The following BCAS3 variants were observed in gnomAD, a reference collection of about 807,000 sequenced individuals.
BCAS3 encodes the protein BCAS3 microtubule associated cell migration factor.
BCAS3 carries 53 observed loss-of-function variants against 116.1 expected under a neutral mutation model. That is an observed-to-expected ratio of 0.46 (90% CI 0.37 to 0.57). BCAS3 has a LOEUF of 0.57. Among genes scored for constraint, BCAS3 ranks in the 20% least tolerant of loss-of-function variants. The pLI is 0.00. For missense variants in BCAS3, 917 were observed against 1,165.4 expected, an observed-to-expected ratio of 0.79 and a Z score of 3.10; for synonymous variants, 391 against 408.2, an observed-to-expected ratio of 0.96 and a Z score of 0.51.
In BCAS3 at chr17:61,343,883, G is replaced by GGACC. The variant is rs2143265636; in HGVS notation, c.2426-24443_2426-24440dup. 6.6e-6 allele frequency among the ~76,000 whole-genome samples: 1 copy of GGACC among 152,246 alleles called. No individual in the cohort carries two copies. The highest frequency in any genetic ancestry group is 2.1e-4 in the South Asian group (1 of 4,822). On this transcript the variant is annotated intron_variant, in intron 22 of 23. Transcript: ENST00000407086. The surrounding 1 kb of genome is among the most constrained non-coding windows in gnomAD (Gnocchi z 5.5). ...CCCCATGGCGACACCCTCTCTCTTT[G>GGACC]GACCACCTCCTCCCCTTTCGCTTCC... is the stretch of plus-strand genomic sequence containing the variant.
chr17:60,717,217 CTTT>C (rs568833782), intron 5 of BCAS3, among the ~76,000 whole-genome samples: 3 of 133,922 alleles, frequency 2.2e-5, no homozygotes, highest in Admixed American at 7.4e-5. Context: ...TCTTCTTCTT[CTTT>C]TTTTTTTTTT....
Position 61,004,092 on chromosome 17 carries a change from G to A in BCAS3, c.1487-11659G>A, listed in dbSNP as rs1480684818. ...TAACATTATTTTTGTCTAGTGATTA[G>A]AATAACAAAAAGAGGATTTGGAGAA... On this transcript the variant is annotated intron_variant, in intron 15 of 23. Transcript: ENST00000407086. This position sits in a 1 kb window ranked among gnomAD's most constrained non-coding sequence, Gnocchi z 4.8. 1.3e-5 allele frequency among the ~76,000 whole-genome samples: 2 copies of A among 152,062 alleles called. No homozygotes were observed. The highest frequency in any genetic ancestry group is 4.8e-5 in the African/African-American group (2 of 41,422).
rs1207738973 is a variant in BCAS3, at chr17:61,019,674, C to T, written c.1637+3773C>T. Among the ~76,000 whole-genome samples the T allele has an allele frequency of 6.6e-6, 1 of 152,024 alleles. No individual in the cohort carries two copies. Among genetic ancestry groups the T allele is most frequent in the African/African-American group, 2.4e-5 (1 of 41,410 alleles). On this transcript the variant is annotated intron_variant, in intron 16 of 23. Transcript: ENST00000407086. This position sits in a 1 kb window ranked among gnomAD's most constrained non-coding sequence, Gnocchi z 5.6. The stretch of plus-strand genomic sequence containing the variant: ...CTTTCATCCTATTAGATTTTAAAGG[C>T]TATATTTATTTTATTAAATTTTTTT...
At chr17:60,709,037 C>CA (rs2037531055) in intron 4 of BCAS3, among the ~76,000 whole-genome samples, 182 bp from the exon 5 acceptor site, 1 of 151,896 alleles carries the variant, frequency 6.6e-6, no homozygotes, top group South Asian at 2.1e-4. Context: ...CAAGGAATGA[C>CA]AGATATATAA....
At chr17:60,979,718 T>C (rs2062665668) in intron 14 of BCAS3, among the ~76,000 whole-genome samples, 1 of 152,026 alleles carries the variant, frequency 6.6e-6, no homozygotes, top group Non-Finnish European at 1.5e-5. Flanking sequence ...GTTGTTGAAT[T>C]TTGTCAGAGG....
intron 7 of BCAS3, among the ~76,000 whole-genome samples, chr17:60,816,238 A>C (rs1194484463): frequency 6.6e-6 from 1 of 151,460 alleles, no homozygotes; most frequent in Admixed American, 6.6e-5. Flanking sequence ...AAATTCACTA[A>C]GATTTTCTTT....
rs201888371 is a variant in BCAS3, at chr17:60,900,198, A to G, written c.739-2422A>G. The stretch of plus-strand genomic sequence containing the variant: ...AGACGCTGTCTCTTAAAAAAAAAAA[A>G]AAAGAAAGAAAGAAAAGAAAAAGAA... On this transcript the variant is annotated intron_variant, in intron 10 of 23. Coordinates refer to ENST00000407086, the MANE Select transcript of BCAS3 (RefSeq NM_017679.5). The G allele has an allele frequency of 3.6e-3, 542 of 148,580 alleles. 1 individual carries two copies. The highest frequency in any genetic ancestry group is 5.8e-3 in the Non-Finnish European group (392 of 68,170). 9.2% of individuals were successfully genotyped at this position (148,580 alleles called of 1,614,324 possible). A position where few individuals can be genotyped will look rare whatever the true frequency, so the allele number is the denominator to read the frequency against.
chr17:60,782,245 T>G (rs578160099), intron 6 of BCAS3, among the ~76,000 whole-genome samples: 8 of 152,378 alleles, frequency 5.3e-5, no homozygotes, highest in Non-Finnish European at 1.0e-4. Flanking sequence ...AATTGCCTGC[T>G]GTATTGAGTT....
rs963065121 is a variant in BCAS3, at chr17:60,995,042, A to G, written c.1486+4807A>G. ...ACCCAGGCTGGAGTGCAGTGGCGCC[A>G]TCTCGGCTCACTGCAAGCTCCGCCT... On this transcript the variant is annotated intron_variant, in intron 15 of 23. Transcript: ENST00000407086. The surrounding 1 kb of genome is among the most constrained non-coding windows in gnomAD (Gnocchi z 4.7). 3.3e-5 allele frequency among the ~76,000 whole-genome samples: 5 copies of G among 152,296 alleles called. No individual in the cohort carries two copies. The highest frequency in any genetic ancestry group is 7.4e-5 in the Non-Finnish European group (5 of 68,020).
rs1227261784 is a variant in BCAS3, at chr17:61,233,395, A to G, written c.2426-134932A>G. Among the ~76,000 whole-genome samples the G allele has an allele frequency of 1.3e-5, 2 of 152,238 alleles. No homozygotes were observed. Among genetic ancestry groups the G allele is most frequent in the African/African-American group, 4.8e-5 (2 of 41,474 alleles). On this transcript the variant is annotated intron_variant, in intron 22 of 23. Transcript: ENST00000407086. This position sits in a 1 kb window ranked among gnomAD's most constrained non-coding sequence, Gnocchi z 4.3. Reference sequence around the variant, plus strand: ...AGTGATTCTACAACTAAAGATGCCAATCAACTAAGCTTGTATTGGTTCATC... The same window carrying G: ...AGTGATTCTACAACTAAAGATGCCAGTCAACTAAGCTTGTATTGGTTCATC...
At chr17:60,876,699 A>G (rs1355926076) in intron 9 of BCAS3, among the ~76,000 whole-genome samples, 2 of 152,074 alleles carry the variant, frequency 1.3e-5, no homozygotes, top group African/African-American at 2.4e-5. Flanking sequence ...TTGTTAACCA[A>G]CACCGTTTTG....
chr17:61,152,086 T>C (rs2077571638), intron 22 of BCAS3, among the ~76,000 whole-genome samples: 1 of 152,188 alleles, frequency 6.6e-6, no homozygotes, highest in Non-Finnish European at 1.5e-5. Context: ...ACCTTGGCAG[T>C]GAGTGGTACA....
intron 2 of BCAS3, among the ~76,000 whole-genome samples, chr17:60,682,327 G>A (rs2033285016): frequency 6.6e-6 from 1 of 152,140 alleles, no homozygotes; most frequent in Non-Finnish European, 1.5e-5. Flanking sequence ...AGTTGCATAT[G>A]GCTGAATCAG....
rs1319600361 is a variant in BCAS3 at position 61,256,248 on chromosome 17, G to A, written c.2426-112079G>A. Among the ~76,000 whole-genome samples, 1 of 136,942 alleles carries A rather than the reference G, an allele frequency of 7.3e-6. No homozygotes were observed. Among genetic ancestry groups the A allele is most frequent in the African/African-American group, 2.7e-5 (1 of 37,422 alleles). The allele number at this position is 136,942 out of a possible 152,430, so 89.8% of individuals were successfully genotyped here. A position where few individuals can be genotyped will look rare whatever the true frequency, so the allele number is the denominator to read the frequency against. ...CATCTTCAAGCCAAGAGGTAGTTTG[G>A]TTTTTGTTTGTTTGTTTGTTTGTTT... On this transcript the variant is annotated intron_variant, in intron 22 of 23. Coordinates refer to ENST00000407086, the MANE Select transcript of BCAS3 (RefSeq NM_017679.5). The surrounding 1 kb of genome is among the most constrained non-coding windows in gnomAD (Gnocchi z 5.6).
At chr17:61,271,442 T>TTTTTTTTTTTTTTTTTTG (rs2050253990) in intron 22 of BCAS3, among the ~76,000 whole-genome samples, 1 of 128,852 alleles carries the variant, frequency 7.8e-6, no homozygotes, top group African/African-American at 3.1e-5. Context: ...TTTTTTGTCT[T>TTTTTTTTTTTTTTTTTTG]AGGTGGAGTC....
At chr17:60,710,605 G>A (rs1005404337) in intron 5 of BCAS3, among the ~76,000 whole-genome samples, 1 of 151,528 alleles carries the variant, frequency 6.6e-6, no homozygotes, top group Non-Finnish European at 1.5e-5. Flanking sequence ...CTAATTTTTT[G>A]TATTTTTAGT....
chr17:60,745,427 A>C (rs1377377469), intron 5 of BCAS3, among the ~76,000 whole-genome samples: 1 of 152,160 alleles, frequency 6.6e-6, no homozygotes, highest in Non-Finnish European at 1.5e-5. Context: ...CATCTGTAAT[A>C]TAATTAGATT....
In BCAS3 at chr17:61,276,412, A is replaced by T. The variant is rs1320419456; in HGVS notation, c.2426-91915A>T. ...TGTTTCTATACAGTAGCAATGAGCA[A>T]ACCGCAAATAAAATTAGGAAAGCTA... On this transcript the variant is annotated intron_variant, in intron 22 of 23. Transcript: ENST00000407086. This position sits in a 1 kb window ranked among gnomAD's most constrained non-coding sequence, Gnocchi z 4.2. Among the ~76,000 whole-genome samples, 1 of 152,224 alleles carries T rather than the reference A, an allele frequency of 6.6e-6. No individual in the cohort carries two copies. Among genetic ancestry groups the T allele is most frequent in the African/African-American group, 2.4e-5 (1 of 41,464 alleles).
At chr17:60,712,090 G>A (rs534363489) in intron 5 of BCAS3, among the ~76,000 whole-genome samples, 12 of 152,264 alleles carry the variant, frequency 7.9e-5, no homozygotes, top group East Asian at 3.9e-4. Context: ...GCTTGAACCC[G>A]GGAGGCGGTG....
Sources: gnomAD v4.1 joint callset for allele counts (sites outside exome capture counted in the v4.1 genomes callset) on GRCh38, gnomAD v4.1.1 for gene constraint, Gnocchi (gnomAD v3.1) non-coding constraint, MANE v1.5 for transcripts, NCBI Gene and HGNC (gene_info 2026-07-23, HGNC 2026-07-21) for gene names.